FAT4: variants seen among roughly 807,000 people sequenced by gnomAD.
FAT4 encodes protocadherin Fat 4.
A neutral mutation model predicts 303.9 loss-of-function variants in FAT4; 84 were observed. The observed-to-expected ratio is 0.28, with a 90% confidence interval of 0.23 to 0.33. The LOEUF is 0.33. Ranked by LOEUF, FAT4 falls within the 10% of genes least tolerant of loss-of-function variation. The probability of loss-of-function intolerance (pLI) is 1.00; values close to 1 mark genes in which losing one functional copy is unlikely to be tolerated. For missense variants in FAT4, 6,005 were observed against 6,146.8 expected (o/e 0.98, Z 0.77); for synonymous variants, 2,307 against 2,298.8 (o/e 1.00, Z -0.10).
chr4:125,464,772 G>GT (rs1480828990), intron 11 of FAT4, among the ~76,000 whole-genome samples: 5 of 152,106 alleles, frequency 3.3e-5, no homozygotes, highest in African/African-American at 1.2e-4. Context: ...GCGGTGTTTG[G>GT]TTTTTTGTCC....
chr4:125,384,308 T>C (rs938091233), intron 2 of FAT4, among the ~76,000 whole-genome samples: 11 of 152,318 alleles, frequency 7.2e-5, no homozygotes, highest in Admixed American at 5.2e-4. Flanking sequence ...GTGTTTTGAT[T>C]TTTGTATGTA....
chr4:125,320,720 A>T lies in FAT4; in HGVS notation c.4309A>T (p.Thr1437Ser). 6.2e-7 allele frequency: 1 copy of T among 1,614,104 alleles called. No individual in the cohort carries two copies. The highest frequency in any genetic ancestry group is 1.1e-5 in the South Asian group (1 of 91,080). ...KSIVENIPIG[T>S]SVISVTAHDP... ...TATTGTTGAGAACATTCCCATCGGT[A>T]CATCTGTCATTTCAGTGACTGCACA... The change falls in exon 2 of 18, where the codon ACA becomes TCA. Residue 1437 changes from threonine (T) to serine (S), a missense_variant. By Grantham distance (58) the Thr-to-Ser change is moderately conservative. Coordinates refer to ENST00000394329, the MANE Select transcript of FAT4 (RefSeq NM_001291303.3).
chr4:125,466,998 T>C (rs1474842649), intron 11 of FAT4, among the ~76,000 whole-genome samples: 9 of 152,018 alleles, frequency 5.9e-5, no homozygotes, highest in Non-Finnish European at 8.8e-5. Context: ...AGGATGGTCT[T>C]GATCTCCTGA....
intron 16 of FAT4, among the ~76,000 whole-genome samples, chr4:125,484,196 G>A (rs1727330063): frequency 1.3e-5 from 2 of 151,996 alleles, no homozygotes; most frequent in Non-Finnish European, 1.5e-5. Flanking sequence ...AGTGTCAGGT[G>A]TGGGCAGCAA....
At position 125,450,482 on chromosome 4, in the gene FAT4, C is replaced by G; in HGVS notation, c.9472C>G (p.Leu3158Val). The G allele has an allele frequency of 1.2e-6, 2 of 1,614,100 alleles. No homozygotes were observed. Among genetic ancestry groups the G allele is most frequent in the Non-Finnish European group, 1.7e-6 (2 of 1,179,998 alleles). Residue 3158 changes from leucine (L) to valine (V), a missense_variant, in exon 10 of 18, where the codon CTA becomes GTA. Physicochemically the swap from Leu to Val is conservative, Grantham distance 32 (BLOSUM62 1). Coordinates refer to ENST00000394329, the MANE Select transcript of FAT4 (RefSeq NM_001291303.3). ...LTLAKALDYE[L>V]CQKHEMTISA... is the part of the protein sequence containing the mutation. ...ACTAGCCAAAGCTCTTGATTATGAG[C>G]TATGCCAGAAACACGAAATGACGAT...
chr4:125,316,897 G>A lies in FAT4; in HGVS notation c.486G>A (p.Ser162=), dbSNP rs536273288. Residue 162 remains serine, a synonymous_variant, in exon 2 of 18, where the codon TCG becomes TCA. Coordinates refer to ENST00000394329, the MANE Select transcript of FAT4 (RefSeq NM_001291303.3). This position sits in a 1 kb window ranked among gnomAD's most constrained non-coding sequence, Gnocchi z 5.7. ...TCATCTTAGACACCGCCACCGACTCGGACATCGGCTCAAACGGTGTGGACC... is the reference window on the plus strand; with the variant it reads ...TCATCTTAGACACCGCCACCGACTCAGACATCGGCTCAAACGGTGTGGACC... ...RQVILDTATD[S]DIGSNGVDHR... 14 of 1,613,972 alleles carry A rather than the reference G, an allele frequency of 8.7e-6. No individual in the cohort carries two copies. The East Asian group carries it at 2.5e-4, about 28-fold the overall frequency.
At chr4:125,407,427 C>G (rs1734661131) in intron 4 of FAT4, among the ~76,000 whole-genome samples, 1 of 151,542 alleles carries the variant, frequency 6.6e-6, no homozygotes, top group South Asian at 2.1e-4. Context: ...GGTACTCTTT[C>G]TGCTTTAAAA....
At chr4:125,414,789 A>G in intron 5 of FAT4, 95 bp from the exon 6 acceptor site, 1 of 797,598 alleles carries the variant, frequency 1.3e-6, no homozygotes, top group Non-Finnish European at 2.0e-6. Flanking sequence ...TGCACGGCAT[A>G]TCAAACATGC....
At position 125,406,915 on chromosome 4, in the gene FAT4, T is replaced by C. The variant is rs778409574; in HGVS notation, c.5343T>C (p.Ser1781=). 12 of 1,613,630 alleles carry C rather than the reference T, an allele frequency of 7.4e-6. No homozygotes were observed. The highest frequency in any genetic ancestry group is 5.3e-5 in the African/African-American group (4 of 74,878). The change falls in exon 4 of 18, where the codon AGT becomes AGC. Residue 1781 remains serine, a synonymous_variant. Coordinates refer to ENST00000394329, the MANE Select transcript of FAT4 (RefSeq NM_001291303.3). ...ANALVTYTII[S]GADDSFRIDP... ...CTCTCGTCACATACACTATCATTAG[T>C]GGAGCTGATGATAGTTTTCGCATCG...
chr4:125,458,461 A>G (rs1229491353), intron 10 of FAT4, among the ~76,000 whole-genome samples: 1 of 151,960 alleles, frequency 6.6e-6, no homozygotes, highest in African/African-American at 2.4e-5. Flanking sequence ...ACCATATAAT[A>G]TAAAAGAAAT....
In FAT4 at chr4:125,409,090, C is replaced by CT. The variant is rs761790729; in HGVS notation, c.5920+304dup. Among the ~76,000 whole-genome samples the CT allele has an allele frequency of 1.4e-4, 21 of 151,480 alleles. 1 individual carries two copies. The highest frequency in any genetic ancestry group is 3.3e-4 in the Admixed American group (5 of 15,184). Reference sequence around the variant, plus strand: ...TAGCAATGTAGAAGTCATAAGACCACTTTTTTTTGTATAATTTTGTTAGAT... The same window carrying CT: ...TAGCAATGTAGAAGTCATAAGACCACTTTTTTTTTGTATAATTTTGTTAGAT... On this transcript the variant is annotated intron_variant, in intron 5 of 17. Coordinates refer to ENST00000394329, the MANE Select transcript of FAT4 (RefSeq NM_001291303.3).
At chr4:125,465,551 A>G (rs1726631677) in intron 11 of FAT4, among the ~76,000 whole-genome samples, 3 of 152,126 alleles carry the variant, frequency 2.0e-5, no homozygotes, top group Non-Finnish European at 4.4e-5. Flanking sequence ...TTGAGTTGCA[A>G]ATTTGGGGAT....
intron 12 of FAT4, among the ~76,000 whole-genome samples, chr4:125,475,383 T>G (rs554446295): frequency 1.9e-4 from 29 of 152,198 alleles, no homozygotes; most frequent in African/African-American, 6.7e-4. Flanking sequence ...TGAGGCCTTT[T>G]AACCATAAAT....
intron 7 of FAT4, among the ~76,000 whole-genome samples, chr4:125,423,591 A>G (rs545103809): frequency 3.9e-5 from 6 of 152,350 alleles, no homozygotes; most frequent in African/African-American, 1.4e-4. Flanking sequence ...TAAAGAAGAT[A>G]TATGCCTGCT....
intron 7 of FAT4, among the ~76,000 whole-genome samples, chr4:125,432,036 A>G (rs1725299583): frequency 6.6e-6 from 1 of 152,184 alleles, no homozygotes; most frequent in African/African-American, 2.4e-5. Flanking sequence ...GAAATTTAAA[A>G]TCTATGCCAA....
chr4:125,368,204 G>T (rs1265998975), intron 2 of FAT4, among the ~76,000 whole-genome samples: 1 of 152,034 alleles, frequency 6.6e-6, no homozygotes, highest in East Asian at 1.9e-4. Context: ...ATCCAGATTT[G>T]TAGAGAGTAC....
rs770947728 is a variant in FAT4 at position 125,481,728 on chromosome 4, C to G, written c.12812C>G (p.Thr4271Ser). The G allele has an allele frequency of 1.2e-6, 2 of 1,613,904 alleles. No homozygotes were observed. Among genetic ancestry groups the G allele is most frequent in the East Asian group, 2.2e-5 (1 of 44,858 alleles). The change falls in exon 16 of 18, where the codon ACT (threonine) becomes AGT (serine). Residue 4271 changes from threonine (T) to serine (S), a missense_variant. Thr to Ser is a moderately conservative substitution (Grantham distance 58, BLOSUM62 1). Transcript: ENST00000394329. ...LIHIQESSNY[T>S]TVKIKNGKVY... ...CATATCCAAGAAAGCAGCAATTACA[C>G]TACTGTGAAGGTGAGATAAAAGCTA...
rs142357260 is a variant in FAT4 at position 125,450,016 on chromosome 4, G to A, written c.9006G>A (p.Thr3002=). The A allele has an allele frequency of 4.3e-5, 70 of 1,613,756 alleles. No homozygotes were observed. Among genetic ancestry groups the A allele is most frequent in the East Asian group, 8.9e-5 (4 of 44,868 alleles). ...TCACCAAAAATGTTAAGGTTGGTAC[G>A]AAGTTAATCAGAGTTACAGCAATAG... ...TPVTKNVKVG[T]KLIRVTAIDD... is the part of the protein sequence containing the mutation. Residue 3002 remains threonine (T), a synonymous_variant, in exon 10 of 18, where the codon ACG becomes ACA. Coordinates refer to ENST00000394329, the MANE Select transcript of FAT4 (RefSeq NM_001291303.3).
In FAT4 at chr4:125,416,640, T is replaced by G. The variant is rs775912853; in HGVS notation, c.7018+18T>G. 1 of 1,610,402 alleles carries G rather than the reference T, an allele frequency of 6.2e-7. No homozygotes were observed. Among genetic ancestry groups the G allele is most frequent in the Non-Finnish European group, 8.5e-7 (1 of 1,177,818 alleles). ...AGATTCAGGTAAGTCCATTACACCC[T>G]TGTTCATTTGTAGATAATTTCTAGG... On this transcript the variant is annotated intron_variant, in intron 7 of 17. Coordinates refer to ENST00000394329, the MANE Select transcript of FAT4 (RefSeq NM_001291303.3).
Sources: allele counts gnomAD v4.1 joint callset (sites outside exome capture counted in the v4.1 genomes callset), GRCh38; gene constraint gnomAD v4.1.1; non-coding constraint Gnocchi (gnomAD v3.1); transcripts MANE v1.5; gene names NCBI Gene and HGNC (gene_info 2026-07-23, HGNC 2026-07-21).